HPCAL1: variants seen among roughly 807,000 people sequenced by gnomAD.
The protein encoded by HPCAL1 is hippocalcin like 1.
Under a neutral mutation model 17.1 loss-of-function variants are expected in HPCAL1, and 8 were observed. The ratio of observed to expected loss-of-function variants is 0.47; its 90% CI spans 0.27 to 0.84. The LOEUF is 0.84. Ranked by LOEUF, HPCAL1 falls within the 40% of genes least tolerant of loss-of-function variation. The pLI, the probability that HPCAL1 is intolerant of heterozygous loss-of-function variation, is 0.13. For missense variants in HPCAL1, 165 were observed against 271.1 expected (o/e 0.61, Z 2.75); for synonymous variants, 112 against 111.4 (o/e 1.01, Z -0.03).
intron 1 of HPCAL1, among the ~76,000 whole-genome samples, chr2:10,383,396 T>G (rs1198603728): frequency 6.6e-6 from 1 of 151,608 alleles, no homozygotes; most frequent in African/African-American, 2.4e-5. Context: ...CGCATCTTGC[T>G]CTGTTGCCCA....
At chr2:10,361,099 C>T (rs116062306) in intron 1 of HPCAL1, among the ~76,000 whole-genome samples, 1 of 145,204 alleles carries the variant, frequency 6.9e-6, no homozygotes, top group East Asian at 2.0e-4. Context: ...ATGAGACAGG[C>T]GAGACTGCCC....
chr2:10,380,913 G>T (rs889236863), intron 1 of HPCAL1, among the ~76,000 whole-genome samples: 1 of 152,266 alleles, frequency 6.6e-6, no homozygotes, highest in Non-Finnish European at 1.5e-5. Flanking sequence ...CACATAGTAG[G>T]AGTCCAATTA....
intron 1 of HPCAL1, among the ~76,000 whole-genome samples, chr2:10,346,106 G>A (rs889093960): frequency 2.6e-5 from 4 of 152,142 alleles, no homozygotes; most frequent in African/African-American, 4.8e-5. Context: ...AAACACTTAT[G>A]TGCAATGCCT....
chr2:10,320,068 C>T (rs186418344), intron 1 of HPCAL1, among the ~76,000 whole-genome samples: 33 of 152,194 alleles, frequency 2.2e-4, no homozygotes, highest in Non-Finnish European at 4.1e-4. Flanking sequence ...CCCAGTCTTG[C>T]TTGGGGTTGC....
chr2:10,373,505 A>C (rs1667356006), intron 1 of HPCAL1, among the ~76,000 whole-genome samples: 1 of 152,184 alleles, frequency 6.6e-6, no homozygotes, highest in Non-Finnish European at 1.5e-5. Flanking sequence ...GTTCCTAGAA[A>C]CTGGAGATTG....
intron 1 of HPCAL1, among the ~76,000 whole-genome samples, chr2:10,312,453 TCATCAC>T (rs1386044955): frequency 1.3e-5 from 2 of 150,586 alleles, no homozygotes; most frequent in Non-Finnish European, 3.0e-5. Flanking sequence ...ATTATCACCA[TCATCAC>T]CATCACCATC....
At chr2:10,423,206 G>A (rs950854356) in intron 4 of HPCAL1, 118 bp downstream of exon 4, 29 of 739,518 alleles carry the variant, frequency 3.9e-5, no homozygotes, top group Non-Finnish European at 4.3e-5. Flanking sequence ...ACCCCCGCCC[G>A]CCACCTGCCT....
At chr2:10,308,356 A>G (rs1662753870) in intron 1 of HPCAL1, among the ~76,000 whole-genome samples, 1 of 152,178 alleles carries the variant, frequency 6.6e-6, no homozygotes, top group Non-Finnish European at 1.5e-5. Flanking sequence ...CATAGCCATT[A>G]CCACAATCCA....
chr2:10,377,834 G>T lies in HPCAL1; in HGVS notation c.-110-19001G>T, dbSNP rs951523025. On this transcript the variant is annotated intron_variant, in intron 1 of 4. Transcript: ENST00000307845. The surrounding 1 kb of genome is among the most constrained non-coding windows in gnomAD (Gnocchi z 5.9). ...CCCAGGGTGGTGAGCCACCGAGGGG[G>T]GCCAGGCACGGGGGAGGGTATTCAA... 6.6e-6 allele frequency among the ~76,000 whole-genome samples: 1 copy of T among 152,216 alleles called. No individual in the cohort carries two copies. The highest frequency in any genetic ancestry group is 1.5e-5 in the Non-Finnish European group (1 of 68,038).
At chr2:10,327,885 G>A (rs1473027878) in intron 1 of HPCAL1, among the ~76,000 whole-genome samples, 1 of 152,218 alleles carries the variant, frequency 6.6e-6, no homozygotes, top group Non-Finnish European at 1.5e-5. Context: ...TTCATAAGTG[G>A]GTGATTTATG....
intron 1 of HPCAL1, among the ~76,000 whole-genome samples, chr2:10,393,469 G>A (rs1279028499): frequency 6.6e-6 from 1 of 152,224 alleles, no homozygotes; most frequent in Admixed American, 6.5e-5. Context: ...AACTGGAAAT[G>A]GCAGAGGTCA....
At chr2:10,366,424 C>T (rs1407772203) in intron 1 of HPCAL1, among the ~76,000 whole-genome samples, 1 of 152,026 alleles carries the variant, frequency 6.6e-6, no homozygotes, top group Admixed American at 6.6e-5. Context: ...TTGGTAGAGA[C>T]GGGGTTTCAC....
At chr2:10,308,997 G>A (rs1662792265) in intron 1 of HPCAL1, among the ~76,000 whole-genome samples, 1 of 152,028 alleles carries the variant, frequency 6.6e-6, no homozygotes, top group African/African-American at 2.4e-5. Context: ...TGAAATCAGG[G>A]ATTTGAGCCT....
intron 2 of HPCAL1, among the ~76,000 whole-genome samples, chr2:10,401,528 G>A (rs945168366): frequency 1.3e-5 from 2 of 152,130 alleles, no homozygotes; most frequent in African/African-American, 2.4e-5. Flanking sequence ...ACAGTGCCGC[G>A]GTGGCCGAAG....
At chr2:10,387,880 CCTTT>C (rs1278820903) in intron 1 of HPCAL1, among the ~76,000 whole-genome samples, 3 of 152,160 alleles carry the variant, frequency 2.0e-5, no homozygotes, top group African/African-American at 7.2e-5. Context: ...ATGGATCTTT[CCTTT>C]CTTTTCTTTT....
At chr2:10,358,834 A>G (rs1210178431) in intron 1 of HPCAL1, among the ~76,000 whole-genome samples, 1 of 152,202 alleles carries the variant, frequency 6.6e-6, no homozygotes, top group Admixed American at 6.5e-5. Flanking sequence ...ACACCAAGGC[A>G]GGAACCAGGG....
chr2:10,361,810 A>G (rs1666544699), intron 1 of HPCAL1, among the ~76,000 whole-genome samples: 1 of 151,206 alleles, frequency 6.6e-6, no homozygotes, highest in Non-Finnish European at 1.5e-5. Flanking sequence ...TCTGCCTCCC[A>G]GGTTCAAGCA....
chr2:10,390,897 G>A (rs191993208), intron 1 of HPCAL1, among the ~76,000 whole-genome samples: 51 of 152,324 alleles, frequency 3.3e-4, no homozygotes, highest in African/African-American at 1.1e-3. Flanking sequence ...GGAGTTGAGC[G>A]GAGAGTTCCT....
intron 1 of HPCAL1, among the ~76,000 whole-genome samples, chr2:10,391,929 T>C (rs1396332049): frequency 1.3e-5 from 2 of 152,146 alleles, no homozygotes; most frequent in African/African-American, 2.4e-5. Flanking sequence ...TTTGTATTTT[T>C]AGTAGAGACG....
Sources: gnomAD v4.1 joint callset for allele counts (sites outside exome capture counted in the v4.1 genomes callset) on GRCh38, gnomAD v4.1.1 for gene constraint, Gnocchi (gnomAD v3.1) non-coding constraint, MANE v1.5 for transcripts, NCBI Gene and HGNC (gene_info 2026-07-23, HGNC 2026-07-21) for gene names.